Variants in AOPEP observed in about 807,000 individuals in gnomAD.
AOPEP encodes the protein aminopeptidase O (putative).
A neutral mutation model predicts 98.1 loss-of-function variants in AOPEP; 77 were observed. The ratio of observed to expected loss-of-function variants is 0.78; its 90% CI spans 0.65 to 0.95. The LOEUF (loss-of-function observed/expected upper bound fraction) is 0.95, where lower values mean the gene tolerates loss of function less well. Among genes scored for constraint, AOPEP ranks in the 40% least tolerant of loss-of-function variants. The pLI, the probability that AOPEP is intolerant of heterozygous loss-of-function variation, is 0.00. For missense variants in AOPEP, 1,024 were observed against 1,024.7 expected (o/e 1.00, Z 0.01); for synonymous variants, 346 against 365.3 (o/e 0.95, Z 0.60).
intron 5 of AOPEP, among the ~76,000 whole-genome samples, chr9:94,825,021 C>T (rs564715716): frequency 1.3e-5 from 2 of 152,094 alleles, no homozygotes; most frequent in South Asian, 2.1e-4. Context: ...TTTGCCCTGG[C>T]GTTTCCCAAG....
intron 7 of AOPEP, 139 bp from the exon 8 acceptor site, chr9:94,955,038 G>A: frequency 1.8e-6 from 1 of 545,488 alleles, no homozygotes; most frequent in East Asian, 3.0e-5. Flanking sequence ...AATACAAACT[G>A]TTCTAAATTA....
At chr9:94,851,039 C>G (rs936539206) in intron 5 of AOPEP, among the ~76,000 whole-genome samples, 5 of 152,206 alleles carry the variant, frequency 3.3e-5, no homozygotes, top group African/African-American at 1.2e-4. Flanking sequence ...ACACCAATGC[C>G]AAGTAAGGCA....
At chr9:94,861,587 C>T (rs1052853609) in intron 5 of AOPEP, among the ~76,000 whole-genome samples, 4 of 152,230 alleles carry the variant, frequency 2.6e-5, no homozygotes, top group African/African-American at 7.2e-5. Context: ...CCTGTGCTTT[C>T]CTGCTCCACC....
chr9:94,988,293 C>T (rs1011153475), intron 11 of AOPEP, among the ~76,000 whole-genome samples: 3 of 152,118 alleles, frequency 2.0e-5, no homozygotes, highest in Non-Finnish European at 2.9e-5. Context: ...CTACTCACGA[C>T]GGGGAAGGAC....
At chr9:95,024,040 A>G (rs2063659917) in intron 13 of AOPEP, among the ~76,000 whole-genome samples, 2 of 152,226 alleles carry the variant, frequency 1.3e-5, no homozygotes, top group African/African-American at 2.4e-5. Context: ...CCTAATTGCT[A>G]AGGGCTGAAA....
intron 5 of AOPEP, among the ~76,000 whole-genome samples, chr9:94,908,151 G>A (rs1588833186): frequency 6.6e-6 from 1 of 152,154 alleles, no homozygotes; most frequent in African/African-American, 2.4e-5. Context: ...TTTGACGTCA[G>A]TTGCCTGTGG....
chr9:94,796,306 C>T (rs2133592437), intron 4 of AOPEP, among the ~76,000 whole-genome samples: 1 of 152,324 alleles, frequency 6.6e-6, no homozygotes, highest in East Asian at 1.9e-4. Flanking sequence ...CAGGAATATG[C>T]TGCTGATAAA....
chr9:94,740,326 T>C (rs1832779865), intron 1 of AOPEP, among the ~76,000 whole-genome samples: 1 of 152,138 alleles, frequency 6.6e-6, no homozygotes, highest in Non-Finnish European at 1.5e-5. Context: ...GGTTGTGGAC[T>C]GTGGATTGGT....
chr9:94,875,310 T>G (rs2046787601), intron 5 of AOPEP, among the ~76,000 whole-genome samples: 1 of 111,168 alleles, frequency 9.0e-6, no homozygotes, highest in African/African-American at 3.6e-5. Flanking sequence ...AAATAAAAAC[T>G]TAGACAAATT....
chr9:94,822,846 A>G (rs1278415807), intron 5 of AOPEP, among the ~76,000 whole-genome samples: 1 of 152,174 alleles, frequency 6.6e-6, no homozygotes. Context: ...GGCATTTTGT[A>G]GATGAGGAAA....
the AOPEP span, among the ~76,000 whole-genome samples, chr9:95,134,820 G>A: frequency 3.3e-5 from 5 of 152,170 alleles, no homozygotes; most frequent in East Asian, 1.9e-4. Flanking sequence ...AGTCCTGAGC[G>A]GGAAGGGAGC....
chr9:94,835,988 G>A (rs1193125153), intron 5 of AOPEP, among the ~76,000 whole-genome samples: 1 of 152,188 alleles, frequency 6.6e-6, no homozygotes, highest in Non-Finnish European at 1.5e-5. Flanking sequence ...GGATCTTGAG[G>A]TCTGAGGTGC....
Position 94,745,634 on chromosome 9 carries a change from C to G in AOPEP, c.-135-14015C>G, listed in dbSNP as rs1255453604. Among the ~76,000 whole-genome samples, 6 of 152,158 alleles carry G rather than the reference C, an allele frequency of 3.9e-5. 1 individual carries two copies. Among genetic ancestry groups the G allele is most frequent in the Non-Finnish European group, 7.4e-5 (5 of 68,018 alleles). On this transcript the variant is annotated intron_variant, in intron 1 of 16. Coordinates refer to ENST00000375315, the MANE Select transcript of AOPEP (RefSeq NM_001193329.3). ...GAACATGGAAGTCTGTCTTTCTGTG[C>G]CTGTCTTTTTTCACTTAACATAATG...
chr9:94,882,772 C>CA (rs1461660556), intron 5 of AOPEP, among the ~76,000 whole-genome samples: 3 of 151,534 alleles, frequency 2.0e-5, no homozygotes, highest in Admixed American at 6.6e-5. Flanking sequence ...GACTCCGTCT[C>CA]AAAAAAACAA....
intron 13 of AOPEP, among the ~76,000 whole-genome samples, chr9:95,011,320 C>T (rs1264562255): frequency 1.3e-5 from 2 of 151,604 alleles, no homozygotes; most frequent in Non-Finnish European, 1.5e-5. Flanking sequence ...CTCAGCCTCC[C>T]GAGTAGCTGG....
chr9:94,744,391 TCAA>T lies in AOPEP; in HGVS notation c.-135-15242_-135-15240del, dbSNP rs951112813. ...CTGGGTGACAGAGTGAGACTCTGTC[TCAA>T]CAACAACAACAACAAAATATGGTGG... On this transcript the variant is annotated intron_variant, in intron 1 of 16. Coordinates refer to ENST00000375315, the MANE Select transcript of AOPEP (RefSeq NM_001193329.3). Among the ~76,000 whole-genome samples the T allele has an allele frequency of 8.6e-5, 13 of 150,904 alleles. No homozygotes were observed. The South Asian group carries it at 1.7e-3, about 20-fold the overall frequency.
chr9:94,777,056 G>A (rs1426819786), intron 3 of AOPEP, among the ~76,000 whole-genome samples: 2 of 151,428 alleles, frequency 1.3e-5, no homozygotes, highest in East Asian at 3.9e-4. Context: ...TTTATTTGTA[G>A]CAGCCCTATT....
chr9:95,103,695 A>G, the AOPEP span, among the ~76,000 whole-genome samples: 1 of 152,140 alleles, frequency 6.6e-6, no homozygotes, highest in African/African-American at 2.4e-5. Context: ...GGAAAATCGG[A>G]GGGCCGAGGT....
At chr9:95,137,303 C>T in the AOPEP span, among the ~76,000 whole-genome samples, 6 of 151,978 alleles carry the variant, frequency 3.9e-5, no homozygotes, top group South Asian at 8.3e-4. Context: ...CAGGGTTGAC[C>T]GTGGGGCAAG....
Sources: gnomAD v4.1 joint callset for allele counts (sites outside exome capture counted in the v4.1 genomes callset) on GRCh38, gnomAD v4.1.1 for gene constraint, MANE v1.5 for transcripts, NCBI Gene and HGNC (gene_info 2026-07-23, HGNC 2026-07-21) for gene names.